The following FANCI variants were observed in gnomAD, a reference collection of about 807,000 sequenced individuals.
The protein encoded by FANCI is FA complementation group I.
FANCI carries 156 observed loss-of-function variants against 176.1 expected under a neutral mutation model. The observed-to-expected ratio is 0.89, with a 90% CI of 0.78 to 1.01. The LOEUF (loss-of-function observed/expected upper bound fraction) is 1.01. FANCI is among the 50% of genes least tolerant of loss of function. The pLI is 0.00. For synonymous variants in FANCI, 613 were observed against 541.7 expected (o/e 1.13, Z -1.83); for missense variants, 1,678 against 1,534.1 (o/e 1.09, Z -1.57).
chr15:89,291,764 G>T (rs779761736), intron 20 of FANCI, 50 bp downstream of exon 20: 1 of 1,475,234 alleles, frequency 6.8e-7, no homozygotes, highest in Non-Finnish European at 9.5e-7. Flanking sequence ...TTAAGGATAG[G>T]GTTGAACTTT....
intron 18 of FANCI, among the ~76,000 whole-genome samples, chr15:89,286,066 C>A (rs776431465): frequency 6.6e-6 from 1 of 152,100 alleles, no homozygotes; most frequent in Non-Finnish European, 1.5e-5. Context: ...TCACTGCAGC[C>A]TCCATCCTCC....
chr15:89,246,477 T>A (rs1306711561), intron 1 of FANCI, among the ~76,000 whole-genome samples: 1 of 152,212 alleles, frequency 6.6e-6, no homozygotes, highest in African/African-American at 2.4e-5. Context: ...CCTGTTTACT[T>A]CCAGCCTATC....
chr15:89,291,292 T>C (rs1465280809), intron 19 of FANCI, among the ~76,000 whole-genome samples: 4 of 152,212 alleles, frequency 2.6e-5, no homozygotes, highest in African/African-American at 9.6e-5. Context: ...GTAGTGGTAC[T>C]GGGATCTTGG....
rs1418738373 is a variant in FANCI, at chr15:89,247,681, A to G, written c.34A>G (p.Lys12Glu). The change falls in exon 2 of 38, where the codon AAA becomes GAA. Residue 12 changes from lysine to glutamate, a missense_variant. Lys to Glu is a moderately conservative substitution (Grantham distance 56, BLOSUM62 1). Around this residue, in one of 3 missense-constraint regions of FANCI, gnomAD observed 469 missense variants for 436.9 expected, o/e 1.07. Coordinates refer to ENST00000310775, the MANE Select transcript of FANCI (RefSeq NM_001113378.2). Reference sequence around the variant, plus strand: ...GAAGATTTTATCTCTAGCAGCAGAAAAAACAGCAGACAAACTGCAAGAATT... The same window carrying G: ...GAAGATTTTATCTCTAGCAGCAGAAGAAACAGCAGACAAACTGCAAGAATT... Reference protein sequence around the residue: ...DQKILSLAAEKTADKLQEFLQ... With the variant: ...DQKILSLAAEETADKLQEFLQ... 1 of 1,614,052 alleles carries G rather than the reference A, an allele frequency of 6.2e-7. No individual in the cohort carries two copies. Among genetic ancestry groups the G allele is most frequent in the African/African-American group, 1.3e-5 (1 of 75,048 alleles).
chr15:89,293,751 C>T (rs1337942807), intron 22 of FANCI, 82 bp from the exon 23 acceptor site: 1 of 1,249,760 alleles, frequency 8.0e-7, no homozygotes, highest in African/African-American at 1.5e-5. Flanking sequence ...TTTAAAGAAG[C>T]ATTGTGATTA....
intron 9 of FANCI, among the ~76,000 whole-genome samples, chr15:89,265,348 C>T (rs1371516062): frequency 6.6e-6 from 1 of 152,102 alleles, no homozygotes; most frequent in Non-Finnish European, 1.5e-5. Context: ...TCTGGTACTA[C>T]AGGTGCGCAC....
intron 10 of FANCI, among the ~76,000 whole-genome samples, chr15:89,269,553 C>G (rs1328635049): frequency 6.6e-6 from 1 of 152,040 alleles, no homozygotes; most frequent in African/African-American, 2.4e-5. Flanking sequence ...TGATTGTTTC[C>G]TCACGATTGG....
At chr15:89,257,655 C>A (rs1045548409) in intron 2 of FANCI, among the ~76,000 whole-genome samples, 15 of 152,162 alleles carry the variant, frequency 9.9e-5, no homozygotes, top group African/African-American at 3.6e-4. Flanking sequence ...CTAATCTCAC[C>A]TACAAGAAGA....
intron 37 of FANCI, among the ~76,000 whole-genome samples, chr15:89,316,145 C>T (rs945905366): frequency 1.8e-4 from 27 of 152,180 alleles, no homozygotes; most frequent in Non-Finnish European, 5.9e-5. Context: ...CTTCTCTTGT[C>T]ATTTTGTCCC....
intron 34 of FANCI, among the ~76,000 whole-genome samples, chr15:89,312,123 C>T (rs962580057): frequency 9.2e-5 from 14 of 152,254 alleles, no homozygotes; most frequent in South Asian, 6.2e-4. Flanking sequence ...TGCTGAGTAA[C>T]GAAAATAAAA....
In FANCI at chr15:89,312,961, G is replaced by C. The variant is rs751025656; in HGVS notation, c.3709G>C (p.Ala1237Pro). Residue 1237 changes from alanine to proline, a missense_variant, in exon 35 of 38, where the codon GCC becomes CCC. Transcript: ENST00000310775. ...GAAAAAGGAGAAACCTGCTGCCGTTGCCACAGCCATGGTAAGCTGCTGACA... is the reference window on the plus strand; with the variant it reads ...GAAAAAGGAGAAACCTGCTGCCGTTCCCACAGCCATGGTAAGCTGCTGACA... ...GEKKEKPAAVATAMARVLRET... is the reference protein window; with the variant it reads ...GEKKEKPAAVPTAMARVLRET... The C allele has an allele frequency of 1.9e-5, 30 of 1,613,900 alleles. No individual in the cohort carries two copies. The South Asian group carries it at 2.7e-4, about 15-fold the overall frequency.
rs117553142 is a variant in FANCI at position 89,274,056 on chromosome 15, T to C, written c.976-112T>C. The C allele has an allele frequency of 0.022, 17,909 of 824,258 alleles. 289 individuals carry two copies. The highest frequency in any genetic ancestry group is 0.027 in the Non-Finnish European group (14,257 of 530,428). The allele number at this position is 824,258 out of a possible 1,614,324, so 51.1% of individuals were successfully genotyped here. On this transcript the variant is annotated intron_variant, in intron 11 of 37. Coordinates refer to ENST00000310775, the MANE Select transcript of FANCI (RefSeq NM_001113378.2). The stretch of plus-strand genomic sequence containing the variant: ...TAGGAACAGTTATAAGGTTAAGATT[T>C]ATAGCATGAGCTATATAATATTTGC...
In FANCI at chr15:89,295,049, G is replaced by A; in HGVS notation, c.2591G>A (p.Gly864Asp). Residue 864 changes from glycine to aspartate, a missense_variant, in exon 24 of 38, where the codon GGC becomes GAC. Coordinates refer to ENST00000310775, the MANE Select transcript of FANCI (RefSeq NM_001113378.2). ...KETGHVSGPD[G>D]QNPEKIFQNL... Reference sequence around the variant, plus strand: ...ACAGGGCATGTGAGTGGCCCTGATGGCCAAAACCCAGAAAAGATCTTTCAG... The same window carrying A: ...ACAGGGCATGTGAGTGGCCCTGATGACCAAAACCCAGAAAAGATCTTTCAG... 6.4e-7 allele frequency: 1 copy of A among 1,552,050 alleles called. No individual in the cohort carries two copies. The highest frequency in any genetic ancestry group is 8.7e-7 in the Non-Finnish European group (1 of 1,147,098).
intron 27 of FANCI, among the ~76,000 whole-genome samples, chr15:89,302,865 G>A (rs936239455): frequency 1.6e-4 from 25 of 152,198 alleles, no homozygotes; most frequent in African/African-American, 5.5e-4. Context: ...GAGCCACCGC[G>A]CCTGGCCAAA....
intron 12 of FANCI, among the ~76,000 whole-genome samples, chr15:89,274,630 A>T (rs1259068732): frequency 1.0e-3 from 91 of 86,814 alleles, no homozygotes; most frequent in African/African-American, 3.4e-3. Flanking sequence ...TTTGAGACAG[A>T]GTCTCACTCT....
chr15:89,254,704 AG>A (rs1567138735), intron 2 of FANCI, among the ~76,000 whole-genome samples: 1 of 152,096 alleles, frequency 6.6e-6, no homozygotes, highest in Non-Finnish European at 1.5e-5. Context: ...AGCTAACTGG[AG>A]GGTTGCTGAG....
intron 3 of FANCI, 80 bp downstream of exon 3, chr15:89,258,856 T>G: frequency 9.4e-7 from 1 of 1,063,860 alleles, no homozygotes; most frequent in Non-Finnish European, 1.5e-6. Context: ...TTTCTTACGG[T>G]TTGAAGCCCC....
chr15:89,290,690 G>T, intron 19 of FANCI: 2 of 174,898 alleles, frequency 1.1e-5, no homozygotes, highest in Non-Finnish European at 1.2e-5. Flanking sequence ...GCACTTTTCA[G>T]TTAACAAATT....
intron 3 of FANCI, among the ~76,000 whole-genome samples, chr15:89,259,776 C>T (rs1379317718): frequency 1.3e-5 from 2 of 152,120 alleles, no homozygotes; most frequent in African/African-American, 2.4e-5. Context: ...TGACTTCTTT[C>T]GTTTATAATG....
Sources: allele counts gnomAD v4.1 joint callset (sites outside exome capture counted in the v4.1 genomes callset), GRCh38; gene constraint gnomAD v4.1.1; regional missense constraint gnomAD v4.1.1; transcripts MANE v1.5; gene names NCBI Gene and HGNC (gene_info 2026-07-23, HGNC 2026-07-21).